PXYLP1: variants seen among roughly 807,000 people sequenced by gnomAD.
PXYLP1 encodes 2-phosphoxylose phosphatase 1, also known as acid phosphatase-like 2.
Under a neutral mutation model 37.9 loss-of-function variants are expected in PXYLP1, and 17 were observed. The ratio of observed to expected loss-of-function variants is 0.45; its 90% confidence interval spans 0.31 to 0.67. The LOEUF is 0.67. Ranked by LOEUF, PXYLP1 falls within the 30% of genes least tolerant of loss-of-function variation. PXYLP1 has a pLI of 0.07. For synonymous variants in PXYLP1, 221 were observed against 232.2 expected (o/e 0.95, Z 0.44); for missense variants, 511 against 612.0 (o/e 0.84, Z 1.74).
chr3:141,257,923 A>G (rs1029782050), intron 1 of PXYLP1, among the ~76,000 whole-genome samples: 1 of 141,706 alleles, frequency 7.1e-6, no homozygotes, highest in African/African-American at 3.1e-5. Flanking sequence ...AAAAAAAAAA[A>G]AAAGAGAGAG....
At chr3:141,236,870 T>TAG in intron 1 of PXYLP1, among the ~76,000 whole-genome samples, 1 of 152,304 alleles carries the variant, frequency 6.6e-6, no homozygotes, top group Admixed American at 6.5e-5. Flanking sequence ...TCTTAAAACA[T>TAG]AGATATAAAT....
chr3:141,252,913 T>C (rs1444754137), intron 1 of PXYLP1, among the ~76,000 whole-genome samples: 2 of 152,124 alleles, frequency 1.3e-5, no homozygotes, highest in African/African-American at 4.8e-5. Context: ...CTATTAGATA[T>C]CCTTCAATAT....
chr3:141,269,645 C>T (rs770412041), intron 2 of PXYLP1, among the ~76,000 whole-genome samples: 27 of 152,232 alleles, frequency 1.8e-4, no homozygotes, highest in African/African-American at 3.1e-4. Flanking sequence ...AGACTGTGTT[C>T]GCATCGTCTT....
intron 2 of PXYLP1, chr3:141,262,518 A>G (rs555858893): frequency 2.5e-6 from 2 of 813,884 alleles, no homozygotes; most frequent in Admixed American, 7.6e-5. Context: ...GCTGGTTTCC[A>G]CGTCACTGAA....
At chr3:141,273,293 G>A in intron 2 of PXYLP1, 2 of 985,482 alleles carry the variant, frequency 2.0e-6, no homozygotes. Context: ...TGGGTGAGCA[G>A]GTCCGGGCTT....
intron 1 of PXYLP1, among the ~76,000 whole-genome samples, chr3:141,253,859 C>G (rs1052509878): frequency 1.3e-5 from 1 of 76,844 alleles, no homozygotes; most frequent in East Asian, 2.7e-4. Context: ...ATATATATAT[C>G]TAATATATAT....
intron 1 of PXYLP1, among the ~76,000 whole-genome samples, chr3:141,248,475 G>T: frequency 6.7e-6 from 1 of 148,768 alleles, no homozygotes; most frequent in African/African-American, 2.5e-5. Context: ...TAAGTGCAAA[G>T]GAGCAATATG....
At chr3:141,286,462 T>C (rs535098667) in intron 4 of PXYLP1, among the ~76,000 whole-genome samples, 1 of 152,246 alleles carries the variant, frequency 6.6e-6, no homozygotes, top group African/African-American at 2.4e-5. Context: ...GTCAGAAAAA[T>C]TAAGGATTAT....
chr3:141,274,316 G>A, intron 2 of PXYLP1: 1 of 1,379,048 alleles, frequency 7.3e-7, no homozygotes, highest in Non-Finnish European at 9.4e-7. Context: ...AGCCCGGCCT[G>A]CACATCGACC....
intron 5 of PXYLP1, among the ~76,000 whole-genome samples, chr3:141,291,933 C>T (rs1034645066): frequency 1.3e-5 from 2 of 152,226 alleles, no homozygotes; most frequent in Non-Finnish European, 1.5e-5. Flanking sequence ...ACAGATATCC[C>T]CTGGCTGGGT....
At chr3:141,271,046 A>G (rs771651330) in intron 2 of PXYLP1, among the ~76,000 whole-genome samples, 3 of 152,188 alleles carry the variant, frequency 2.0e-5, no homozygotes, top group Non-Finnish European at 4.4e-5. Context: ...ATGTGCCACC[A>G]TATCCTGCTC....
chr3:141,244,317 T>C (rs186491057), intron 1 of PXYLP1, among the ~76,000 whole-genome samples: 1 of 152,180 alleles, frequency 6.6e-6, no homozygotes, highest in Admixed American at 6.5e-5. Flanking sequence ...ATATTGTAGC[T>C]TGTCTTTTTG....
In PXYLP1 at chr3:141,292,555, C is replaced by T. The variant is rs377601096; in HGVS notation, c.793C>T (p.Arg265Cys). The change falls in exon 6 of 6, where the codon CGT becomes TGT. Residue 265 changes from arginine (R) to cysteine (C), a missense_variant. Transcript: ENST00000286353. The surrounding 1 kb of genome is among the most constrained non-coding windows in gnomAD (Gnocchi z 4.3). Reference protein sequence around the residue: ...EKEQRRQYLLRLKNSQLEKTY... With the variant: ...EKEQRRQYLLCLKNSQLEKTY... ...GGAGCAGCGTCGTCAGTACCTCCTA[C>T]GTTTGAAAAACAGCCAGCTGGAGAA... 2.7e-5 allele frequency: 44 copies of T among 1,614,064 alleles called. No individual in the cohort carries two copies. Among genetic ancestry groups the T allele is most frequent in the Non-Finnish European group, 3.6e-5 (42 of 1,180,034 alleles).
chr3:141,278,355 G>C lies in PXYLP1; in HGVS notation c.93G>C (p.Pro31=), dbSNP rs112198149. The change falls in exon 3 of 6, where the codon CCG becomes CCC. Residue 31 remains proline, a synonymous_variant. Coordinates refer to ENST00000286353, the MANE Select transcript of PXYLP1 (RefSeq NM_001037172.3). ...ACTTCGTTTCAGTCCACCTGATCCC[G>C]GTGTCGACTCCTAAGAATGGAATGA... The part of the protein sequence containing the change: ...SLSLQFFHLI[P]VSTPKNGMSS... The C allele has an allele frequency of 1.2e-6, 2 of 1,614,182 alleles. No homozygotes were observed. The highest frequency in any genetic ancestry group is 2.7e-5 in the African/African-American group (2 of 75,038).
At chr3:141,268,811 G>A (rs533018095) in intron 2 of PXYLP1, among the ~76,000 whole-genome samples, 12 of 152,354 alleles carry the variant, frequency 7.9e-5, no homozygotes, top group Non-Finnish European at 1.0e-4. Context: ...CCTCAGAGCC[G>A]TAGCTCAGGG....
intron 2 of PXYLP1, chr3:141,267,549 A>G (rs1941548438): frequency 6.6e-6 from 1 of 151,190 alleles, no homozygotes; most frequent in South Asian, 2.1e-4. Context: ...GATTTCTGGG[A>G]GTTTTAATTT....
chr3:141,263,654 A>G (rs1379485159), intron 2 of PXYLP1, among the ~76,000 whole-genome samples: 1 of 152,144 alleles, frequency 6.6e-6, no homozygotes, highest in Non-Finnish European at 1.5e-5. Context: ...TGCTGATTTT[A>G]TGCTCATTTC....
At chr3:141,272,310 G>A (rs1171995123) in intron 2 of PXYLP1, among the ~76,000 whole-genome samples, 2 of 152,160 alleles carry the variant, frequency 1.3e-5, no homozygotes, top group East Asian at 3.9e-4. Flanking sequence ...CTAGACAGGG[G>A]TTTGTGGCCT....
At chr3:141,241,332 C>A (rs1194001711) in intron 1 of PXYLP1, among the ~76,000 whole-genome samples, 4 of 151,926 alleles carry the variant, frequency 2.6e-5, no homozygotes, top group Non-Finnish European at 5.9e-5. Flanking sequence ...CTCCCTTCCC[C>A]TACACACCTG....
Sources: gnomAD v4.1 joint callset for allele counts (sites outside exome capture counted in the v4.1 genomes callset) on GRCh38, gnomAD v4.1.1 for gene constraint, Gnocchi (gnomAD v3.1) non-coding constraint, MANE v1.5 for transcripts, NCBI Gene and HGNC (gene_info 2026-07-23, HGNC 2026-07-21) for gene names.